The following FER variants were observed in gnomAD, a reference collection of about 807,000 sequenced individuals.
FER encodes the protein FER tyrosine kinase.
FER carries 63 observed loss-of-function variants against 111.0 expected under a neutral mutation model. That is an observed-to-expected ratio of 0.57 (90% CI 0.46 to 0.70). The LOEUF (loss-of-function observed/expected upper bound fraction) is 0.70. Ranked by LOEUF, FER falls within the 30% of genes least tolerant of loss-of-function variation. The pLI, the probability that FER is intolerant of heterozygous loss-of-function variation, is 0.00. For synonymous variants in FER, 327 were observed against 313.9 expected, an observed-to-expected ratio of 1.04 and a Z score of -0.44; for missense variants, 914 against 954.0, an observed-to-expected ratio of 0.96 and a Z score of 0.55.
intron 13 of FER, among the ~76,000 whole-genome samples, chr5:108,972,058 A>G (rs966454440): frequency 6.6e-6 from 1 of 152,030 alleles, no homozygotes; most frequent in Non-Finnish European, 1.5e-5. Context: ...GAGGTTCACC[A>G]TCTTCTTTAA....
At chr5:108,820,159 T>A in intron 3 of FER, 1 of 985,440 alleles carries the variant, frequency 1.0e-6, no homozygotes, top group Non-Finnish European at 1.2e-6. Context: ...AGGCCATTAT[T>A]GTTTTAACAG....
chr5:109,040,983 TTGAAA>T (rs1183563517), intron 14 of FER, among the ~76,000 whole-genome samples: 4 of 152,080 alleles, frequency 2.6e-5, no homozygotes, highest in Non-Finnish European at 5.9e-5. Context: ...GCTTCAATTC[TTGAAA>T]TGAAGTAGGA....
At chr5:109,055,983 A>G (rs1340222596) in intron 16 of FER, among the ~76,000 whole-genome samples, 2 of 152,216 alleles carry the variant, frequency 1.3e-5, no homozygotes, top group Non-Finnish European at 2.9e-5. Flanking sequence ...TAGGTGCTCA[A>G]CATTATTAAT....
intron 2 of FER, among the ~76,000 whole-genome samples, chr5:108,790,899 C>T (rs1262226981): frequency 6.6e-6 from 1 of 152,010 alleles, no homozygotes; most frequent in African/African-American, 2.4e-5. Context: ...GAAATCATAC[C>T]CTGTGATCTT....
intron 13 of FER, among the ~76,000 whole-genome samples, chr5:108,999,361 T>C (rs1483809818): frequency 2.0e-5 from 3 of 152,214 alleles, no homozygotes; most frequent in Admixed American, 6.5e-5. Flanking sequence ...AGTGTGGCTC[T>C]GGTTCATTTG....
intron 6 of FER, among the ~76,000 whole-genome samples, chr5:108,870,480 C>T (rs1362783256): frequency 6.6e-6 from 1 of 152,042 alleles, no homozygotes; most frequent in Non-Finnish European, 1.5e-5. Context: ...TAAATTGTGT[C>T]TGCCAGTTGA....
At position 108,900,667 on chromosome 5, in the gene FER, G is replaced by A. The variant is rs116113033; in HGVS notation, c.1236+2819G>A. ...TGCTCCATGATCTTAGTTAATGGCA[G>A]TGTTACTGAAAATACCGACTCTTCG... On this transcript the variant is annotated intron_variant, in intron 10 of 19. Coordinates refer to ENST00000281092, the MANE Select transcript of FER (RefSeq NM_005246.4). Among the ~76,000 whole-genome samples the A allele has an allele frequency of 9.9e-3, 1,512 of 152,290 alleles. 22 individuals are homozygous for A. Among genetic ancestry groups the A allele is most frequent in the African/African-American group, 0.035 (1,441 of 41,558 alleles).
At chr5:109,084,686 C>T (rs1381991182) in intron 16 of FER, among the ~76,000 whole-genome samples, 2 of 151,792 alleles carry the variant, frequency 1.3e-5, no homozygotes, top group African/African-American at 4.8e-5. Flanking sequence ...TTTACATACT[C>T]CAAGATCACA....
chr5:108,834,224 G>C (rs1177148062), intron 4 of FER, among the ~76,000 whole-genome samples: 1 of 152,032 alleles, frequency 6.6e-6, no homozygotes, highest in Non-Finnish European at 1.5e-5. Flanking sequence ...CTGTAAATTG[G>C]AATTTAAATC....
intron 17 of FER, among the ~76,000 whole-genome samples, chr5:109,105,446 T>C (rs548223645): frequency 1.3e-5 from 2 of 152,158 alleles, no homozygotes; most frequent in East Asian, 3.9e-4. Flanking sequence ...TATTTTGTCC[T>C]TGGTGCACCT....
intron 17 of FER, among the ~76,000 whole-genome samples, chr5:109,165,487 G>C (rs556839765): frequency 6.6e-6 from 1 of 152,094 alleles, no homozygotes; most frequent in Non-Finnish European, 1.5e-5. Context: ...CAGAGAGGAA[G>C]GAAAGGAGAC....
intron 10 of FER, among the ~76,000 whole-genome samples, chr5:108,928,052 A>C (rs1239477135): frequency 6.6e-6 from 1 of 152,206 alleles, no homozygotes; most frequent in Non-Finnish European, 1.5e-5. Flanking sequence ...AAGCAACCCT[A>C]ACTGAAAGAG....
chr5:108,939,927 T>G (rs1246259206), intron 10 of FER, among the ~76,000 whole-genome samples: 1 of 152,072 alleles, frequency 6.6e-6, no homozygotes, highest in Non-Finnish European at 1.5e-5. Flanking sequence ...CAGGAACTTT[T>G]TAGATAAAGT....
intron 2 of FER, among the ~76,000 whole-genome samples, chr5:108,780,662 G>A (rs545716646): frequency 2.6e-5 from 4 of 151,158 alleles, no homozygotes; most frequent in South Asian, 4.2e-4. Context: ...TTTTGGATTG[G>A]TGGTTTAGTG....
intron 1 of FER, among the ~76,000 whole-genome samples, chr5:108,766,251 T>C (rs1301993086): frequency 6.6e-6 from 1 of 152,230 alleles, no homozygotes; most frequent in African/African-American, 2.4e-5. Context: ...ATTTTATATT[T>C]AAAAATAATT....
chr5:108,974,007 G>A (rs946402485), intron 13 of FER, among the ~76,000 whole-genome samples: 4 of 152,154 alleles, frequency 2.6e-5, no homozygotes, highest in African/African-American at 9.7e-5. Context: ...TTTTCAGGAA[G>A]ATCATCAATG....
chr5:108,866,940 CATT>C (rs1322721980), intron 5 of FER, among the ~76,000 whole-genome samples: 2 of 152,122 alleles, frequency 1.3e-5, no homozygotes, highest in African/African-American at 2.4e-5. Context: ...TAACTCATAA[CATT>C]ATCAGTATCT....
intron 9 of FER, among the ~76,000 whole-genome samples, chr5:108,886,403 T>TTATAACATATAAACATATATATTATA (rs1747168418): frequency 6.7e-6 from 1 of 148,522 alleles, no homozygotes; most frequent in African/African-American, 2.4e-5. Context: ...TATATATATA[T>TTATAACATATAAACATATATATTATA]TATAACATAT....
chr5:109,042,188 C>A (rs1771278092), intron 14 of FER, among the ~76,000 whole-genome samples: 1 of 152,072 alleles, frequency 6.6e-6, no homozygotes, highest in Non-Finnish European at 1.5e-5. Context: ...GGACCAGGGT[C>A]ATCTTACATT....
Sources: gnomAD v4.1 joint callset for allele counts (sites outside exome capture counted in the v4.1 genomes callset) on GRCh38, gnomAD v4.1.1 for gene constraint, MANE v1.5 for transcripts, NCBI Gene and HGNC (gene_info 2026-07-23, HGNC 2026-07-21) for gene names.